Variants in SCML4 observed in about 807,000 individuals in gnomAD.
The protein encoded by SCML4 is Scm polycomb group protein like 4.
In SCML4, 34 loss-of-function variants were observed where a neutral mutation model predicts 41.1. That is an observed-to-expected ratio of 0.83 (90% CI 0.63 to 1.10). SCML4 has a LOEUF of 1.10. Ranked by LOEUF, SCML4 falls within the 50% of genes least tolerant of loss-of-function variation. The pLI is 0.00. For missense variants in SCML4, 522 were observed against 534.1 expected, an observed-to-expected ratio of 0.98 and a Z score of 0.22; for synonymous variants, 214 against 220.9, an observed-to-expected ratio of 0.97 and a Z score of 0.28.
intron 2 of SCML4, among the ~76,000 whole-genome samples, chr6:107,764,744 C>G (rs1471041112): frequency 6.6e-6 from 1 of 152,148 alleles, no homozygotes; most frequent in Non-Finnish European, 1.5e-5. Context: ...ATTGTAGCTC[C>G]CATAATTCCC....
chr6:107,829,719 G>A, the SCML4 span, among the ~76,000 whole-genome samples: 1 of 152,032 alleles, frequency 6.6e-6, no homozygotes, highest in Non-Finnish European at 1.5e-5. Flanking sequence ...AAACCTGCAC[G>A]TTCTGCACAT....
intron 5 of SCML4, among the ~76,000 whole-genome samples, chr6:107,731,291 G>A (rs1776518282): frequency 6.6e-6 from 1 of 152,132 alleles, no homozygotes; most frequent in Non-Finnish European, 1.5e-5. Context: ...TCGGACTATT[G>A]ATTTTATTTT....
intron 1 of SCML4, among the ~76,000 whole-genome samples, chr6:107,806,295 C>T (rs1202444233): frequency 6.6e-6 from 1 of 152,126 alleles, no homozygotes; most frequent in Non-Finnish European, 1.5e-5. Context: ...TACAGGCTTC[C>T]TGGAGGAGGT....
intron 6 of SCML4, among the ~76,000 whole-genome samples, chr6:107,709,425 G>A (rs556075405): frequency 1.0e-3 from 156 of 152,318 alleles, no homozygotes; most frequent in Admixed American, 1.6e-3. Context: ...CCTGCCCCGA[G>A]GCTGACCTAT....
At chr6:107,785,628 A>G (rs960185924) in intron 1 of SCML4, among the ~76,000 whole-genome samples, 13 of 152,086 alleles carry the variant, frequency 8.5e-5, no homozygotes, top group African/African-American at 3.1e-4. Context: ...AGCCTTGCCT[A>G]TGTGGCCCAT....
chr6:107,742,814 T>A (rs1777709084), intron 5 of SCML4, among the ~76,000 whole-genome samples: 1 of 75,974 alleles, frequency 1.3e-5, no homozygotes. Flanking sequence ...TTTTTCAATG[T>A]GAAAGAAAAA....
intron 3 of SCML4, 93 bp downstream of exon 3, chr6:107,749,591 A>G: frequency 1.3e-6 from 2 of 1,484,062 alleles, no homozygotes; most frequent in Admixed American, 3.9e-5. Flanking sequence ...CCATCTCAGC[A>G]ACAACTCTTT....
At chr6:107,812,292 C>T (rs1227325026) in intron 1 of SCML4, among the ~76,000 whole-genome samples, 2 of 152,116 alleles carry the variant, frequency 1.3e-5, no homozygotes, top group East Asian at 1.9e-4. Flanking sequence ...GATCACAGTC[C>T]CCACAGATGA....
At chr6:107,719,315 G>C (rs936896132) in intron 6 of SCML4, 2 of 152,476 alleles carry the variant, frequency 1.3e-5, no homozygotes, top group African/African-American at 4.8e-5. Context: ...TCCTTGGCCA[G>C]GGGAAGCTGG....
At chr6:107,734,594 GA>G (rs1776873138) in intron 5 of SCML4, among the ~76,000 whole-genome samples, 3 of 152,170 alleles carry the variant, frequency 2.0e-5, no homozygotes, top group Admixed American at 2.0e-4. Context: ...TTAAAAAAGA[GA>G]TTACATTTTT....
chr6:107,814,773 G>A (rs1784443958), intron 1 of SCML4, among the ~76,000 whole-genome samples: 1 of 152,148 alleles, frequency 6.6e-6, no homozygotes, highest in South Asian at 2.1e-4. Context: ...GGCTGGTCTC[G>A]AGCTCTTGGC....
At chr6:107,721,473 G>A (rs1317986664) in intron 5 of SCML4, among the ~76,000 whole-genome samples, 1 of 151,968 alleles carries the variant, frequency 6.6e-6, no homozygotes, top group Non-Finnish European at 1.5e-5. Flanking sequence ...GCTGAGGCAG[G>A]AGAATCGCTT....
At position 107,736,090 on chromosome 6, in the gene SCML4, G is replaced by A. The variant is rs1245459463; in HGVS notation, c.682+8859C>T. On this transcript the variant is annotated intron_variant, in intron 5 of 7. Coordinates refer to ENST00000369020, the MANE Select transcript of SCML4 (RefSeq NM_198081.5). ...GAGGAAGTTCCCTGGCAGCTGGAAT[G>A]ATGGGCTGTGCCTGCCCCGTGGTTG... Among the ~76,000 whole-genome samples, 3 of 152,190 alleles carry A rather than the reference G, an allele frequency of 2.0e-5. No homozygotes were observed. The East Asian group carries it at 5.8e-4, about 29-fold the overall frequency.
intron 1 of SCML4, among the ~76,000 whole-genome samples, chr6:107,805,081 G>A: frequency 6.6e-6 from 1 of 152,162 alleles, no homozygotes; most frequent in Non-Finnish European, 1.5e-5. Flanking sequence ...TACCTATTTT[G>A]CAGGTGAGGA....
At chr6:107,839,935 T>C in the SCML4 span, among the ~76,000 whole-genome samples, 1 of 151,926 alleles carries the variant, frequency 6.6e-6, no homozygotes, top group Admixed American at 6.6e-5. Context: ...TTAAAATATA[T>C]AATAAAATTT....
intron 6 of SCML4, among the ~76,000 whole-genome samples, chr6:107,717,679 C>CTG (rs2114388430): frequency 6.6e-6 from 1 of 152,200 alleles, no homozygotes; most frequent in East Asian, 1.9e-4. Context: ...TCTCAAGTAG[C>CTG]TGGTATTACA....
chr6:107,761,862 CTG>C (rs1355414977), intron 2 of SCML4, among the ~76,000 whole-genome samples: 1 of 150,196 alleles, frequency 6.7e-6, no homozygotes, highest in Admixed American at 6.6e-5. Context: ...ACAACAAAAA[CTG>C]AGAGTTTATC....
chr6:107,840,804 C>T, the SCML4 span, among the ~76,000 whole-genome samples: 1 of 152,036 alleles, frequency 6.6e-6, no homozygotes, highest in East Asian at 1.9e-4. Context: ...CCATCTGAAC[C>T]CATGCTGCTC....
At chr6:107,811,262 A>G (rs549771083) in intron 1 of SCML4, among the ~76,000 whole-genome samples, 30 of 152,316 alleles carry the variant, frequency 2.0e-4, no homozygotes, top group African/African-American at 7.0e-4. Context: ...CAGCACTATA[A>G]AAACATTTTC....
Sources: allele counts gnomAD v4.1 joint callset (sites outside exome capture counted in the v4.1 genomes callset), GRCh38; gene constraint gnomAD v4.1.1; transcripts MANE v1.5; gene names NCBI Gene and HGNC (gene_info 2026-07-23, HGNC 2026-07-21).